USP32: variants seen among roughly 807,000 people sequenced by gnomAD.
The protein encoded by USP32 is ubiquitin specific peptidase 32.
A neutral mutation model predicts 204.8 loss-of-function variants in USP32; 59 were observed. The ratio of observed to expected loss-of-function variants is 0.29; its 90% CI spans 0.23 to 0.36. The LOEUF is 0.36. Ranked by LOEUF, USP32 falls within the 10% of genes least tolerant of loss-of-function variation. The pLI is 1.00. For synonymous variants in USP32, 517 were observed against 678.4 expected (o/e 0.76, Z 3.70); for missense variants, 1,160 against 1,946.4 (o/e 0.60, Z 7.60).
chr17:60,189,190 T>A (rs1232485270), intron 29 of USP32, among the ~76,000 whole-genome samples: 1 of 152,264 alleles, frequency 6.6e-6, no homozygotes, highest in Non-Finnish European at 1.5e-5. Flanking sequence ...TCTCTTCAGC[T>A]TTCTTTAGCT....
intron 1 of USP32, among the ~76,000 whole-genome samples, chr17:60,420,393 C>T (rs1187176101): frequency 6.6e-6 from 1 of 152,164 alleles, no homozygotes; most frequent in Non-Finnish European, 1.5e-5. Context: ...CCTGGCCGGA[C>T]GCGGTGGCTC....
chr17:60,209,809 C>T (rs2084914242), intron 21 of USP32, among the ~76,000 whole-genome samples: 2 of 152,100 alleles, frequency 1.3e-5, no homozygotes, highest in South Asian at 4.1e-4. Flanking sequence ...AACTGTTCTT[C>T]AGGCACACAG....
intron 9 of USP32, among the ~76,000 whole-genome samples, chr17:60,263,318 CA>C (rs2086501731): frequency 6.6e-6 from 1 of 152,156 alleles, no homozygotes; most frequent in South Asian, 2.1e-4. Flanking sequence ...CCAAGGGTAA[CA>C]TCTAGATCTC....
intron 2 of USP32, among the ~76,000 whole-genome samples, chr17:60,338,461 T>TGAGGCC (rs1298084561): frequency 5.9e-5 from 9 of 152,232 alleles, no homozygotes; most frequent in African/African-American, 1.9e-4. Flanking sequence ...CCAGGCATGG[T>TGAGGCC]AGCGCACATC....
chr17:60,339,334 G>C (rs1446031335), intron 2 of USP32, among the ~76,000 whole-genome samples: 1 of 151,940 alleles, frequency 6.6e-6, no homozygotes, highest in African/African-American at 2.4e-5. Context: ...TGTAATCCCA[G>C]CACTTTAGGA....
intron 1 of USP32, among the ~76,000 whole-genome samples, chr17:60,358,870 C>A (rs1439293686): frequency 6.6e-6 from 1 of 152,228 alleles, no homozygotes; most frequent in African/African-American, 2.4e-5. Context: ...AGGGATGTCA[C>A]TTGCCAAGAT....
At chr17:60,393,215 T>C (rs2089869582), upstream of USP32, among the ~76,000 whole-genome samples, 4 of 152,278 alleles carry the variant, frequency 2.6e-5, no homozygotes, top group South Asian at 6.2e-4. Flanking sequence ...CTGCAGACTT[T>C]CTCTTTTGTG....
intron 1 of USP32, among the ~76,000 whole-genome samples, chr17:60,406,636 C>G (rs2089978363): frequency 6.6e-6 from 1 of 152,072 alleles, no homozygotes; most frequent in Admixed American, 6.6e-5. Flanking sequence ...CTGCCTCAGC[C>G]TCCTGAGTAG....
intron 2 of USP32, among the ~76,000 whole-genome samples, chr17:60,325,324 G>A (rs1234596296): frequency 6.6e-6 from 1 of 151,998 alleles, no homozygotes; most frequent in Non-Finnish European, 1.5e-5. Flanking sequence ...TGAGGTGGGA[G>A]GGAGAATCTC....
At chr17:60,226,813 C>G (rs928240676) in intron 12 of USP32, among the ~76,000 whole-genome samples, 1 of 151,982 alleles carries the variant, frequency 6.6e-6, no homozygotes, top group African/African-American at 2.4e-5. Flanking sequence ...AATCCCAGCA[C>G]TTTGGGAGAC....
chr17:60,185,879 G>T, intron 29 of USP32: 1 of 448,506 alleles, frequency 2.2e-6, no homozygotes, highest in Non-Finnish European at 4.0e-6. Flanking sequence ...CTGGTCAAAA[G>T]AGTGAGACCC....
intron 27 of USP32, among the ~76,000 whole-genome samples, chr17:60,197,060 A>T (rs2084539484): frequency 6.6e-6 from 1 of 151,990 alleles, no homozygotes; most frequent in African/African-American, 2.4e-5. Flanking sequence ...GAGCATCTGT[A>T]ATCCCAGCTA....
At chr17:60,344,812 A>G (rs1334223981) in intron 2 of USP32, among the ~76,000 whole-genome samples, 1 of 152,222 alleles carries the variant, frequency 6.6e-6, no homozygotes, top group African/African-American at 2.4e-5. Flanking sequence ...TGTGTACATA[A>G]CTACAAAATA....
intron 1 of USP32, among the ~76,000 whole-genome samples, chr17:60,349,527 C>T (rs1281886096): frequency 7.2e-6 from 1 of 138,410 alleles, no homozygotes; most frequent in Non-Finnish European, 1.5e-5. Context: ...GCTGAGATAG[C>T]CCCACTACAT....
chr17:60,227,715 C>T lies in USP32; in HGVS notation c.1240-1484G>A, dbSNP rs188203382. Among the ~76,000 whole-genome samples the T allele has an allele frequency of 4.2e-3, 640 of 151,962 alleles. 6 individuals carry two copies. Among genetic ancestry groups the T allele is most frequent in the South Asian group, 0.016 (78 of 4,818 alleles). The stretch of plus-strand genomic sequence containing the variant: ...GGCGTGAGCCACTGTGCCCAGTGGA[C>T]ATAAGTTTTCTACTTAAAGTAGTGA... On this transcript the variant is annotated intron_variant, in intron 12 of 33. Coordinates refer to ENST00000300896, the MANE Select transcript of USP32 (RefSeq NM_032582.4).
At chr17:60,268,582 C>CAAAAAA (rs57060420) in intron 7 of USP32, among the ~76,000 whole-genome samples, 2 of 45,452 alleles carry the variant, frequency 4.4e-5, no homozygotes, top group South Asian at 8.5e-4. Context: ...GACCCTGTCT[C>CAAAAAA]AAAAAAAAAA....
intron 1 of USP32, 87 bp downstream of exon 1, chr17:60,391,795 A>T: frequency 7.0e-7 from 1 of 1,438,368 alleles, no homozygotes; most frequent in African/African-American, 1.4e-5. Context: ...CACGCCCTCA[A>T]TCTCCCCTCT....
At chr17:60,193,936 A>C (rs2145419632) in intron 27 of USP32, among the ~76,000 whole-genome samples, 1 of 152,296 alleles carries the variant, frequency 6.6e-6, no homozygotes, top group Admixed American at 6.5e-5. Context: ...GTCAAGTAGC[A>C]CTCATAGAAA....
At chr17:60,201,191 A>G (rs1176196861) in intron 26 of USP32, among the ~76,000 whole-genome samples, 1 of 152,162 alleles carries the variant, frequency 6.6e-6, no homozygotes, top group East Asian at 1.9e-4. Context: ...TTCCATCAAC[A>G]TTAGGTTTAC....
Sources: allele counts gnomAD v4.1 joint callset (sites outside exome capture counted in the v4.1 genomes callset), GRCh38; gene constraint gnomAD v4.1.1; transcripts MANE v1.5; gene names NCBI Gene and HGNC (gene_info 2026-07-23, HGNC 2026-07-21).